The following CADPS2 variants were observed in gnomAD, a reference collection of about 807,000 sequenced individuals.
The protein encoded by CADPS2 is calcium-dependent secretion activator 2.
In CADPS2, 93 loss-of-function variants were observed where a neutral mutation model predicts 172.5. That is an observed-to-expected ratio of 0.54 (90% CI 0.46 to 0.64). CADPS2 has a LOEUF of 0.64. Among genes scored for constraint, CADPS2 ranks in the 30% least tolerant of loss-of-function variants. The pLI, the probability that CADPS2 is intolerant of heterozygous loss-of-function variation, is 0.00. For missense variants in CADPS2, 1,420 were observed against 1,565.9 expected (o/e 0.91, Z 1.57); for synonymous variants, 546 against 555.2 (o/e 0.98, Z 0.23).
intron 28 of CADPS2, among the ~76,000 whole-genome samples, chr7:122,341,222 C>A (rs2036737667): frequency 6.6e-6 from 1 of 152,188 alleles, no homozygotes; most frequent in African/African-American, 2.4e-5. Flanking sequence ...GATAGATTTT[C>A]TTTTCTATTA....
At chr7:122,321,620 C>CTGGGA (rs2032543038) in intron 29 of CADPS2, among the ~76,000 whole-genome samples, 1 of 152,186 alleles carries the variant, frequency 6.6e-6, no homozygotes, top group Admixed American at 6.5e-5. Context: ...TCCCGAGTAG[C>CTGGGA]TGGGATTACA....
intron 7 of CADPS2, among the ~76,000 whole-genome samples, chr7:122,570,583 T>C (rs36057959): frequency 0.13 from 18,940 of 144,208 alleles, 1,505 homozygotes; most frequent in African/African-American, 0.24. Context: ...CACATGCACA[T>C]GTATGTTTAT....
At chr7:122,816,469 G>C (rs563809734) in intron 1 of CADPS2, among the ~76,000 whole-genome samples, 1 of 152,238 alleles carries the variant, frequency 6.6e-6, no homozygotes, top group African/African-American at 2.4e-5. Flanking sequence ...CCATATCTTG[G>C]CTATTGTGAA....
chr7:122,748,155 G>T (rs1466458214), intron 1 of CADPS2, among the ~76,000 whole-genome samples: 4 of 152,128 alleles, frequency 2.6e-5, no homozygotes, highest in Non-Finnish European at 4.4e-5. Flanking sequence ...TAACCATTGA[G>T]CAAAGACTCC....
At chr7:122,346,792 A>C (rs1048663182) in intron 27 of CADPS2, among the ~76,000 whole-genome samples, 3 of 152,182 alleles carry the variant, frequency 2.0e-5, no homozygotes, top group Middle Eastern at 3.2e-3. Flanking sequence ...AGATGCCTGC[A>C]TGGCTGTTAA....
At chr7:122,717,349 C>A (rs990792199) in intron 2 of CADPS2, among the ~76,000 whole-genome samples, 1 of 152,044 alleles carries the variant, frequency 6.6e-6, no homozygotes. Context: ...GGTAAAAACA[C>A]ATAAAAACCA....
intron 6 of CADPS2, among the ~76,000 whole-genome samples, chr7:122,604,041 G>C: frequency 6.6e-6 from 1 of 152,238 alleles, no homozygotes; most frequent in South Asian, 2.1e-4. Flanking sequence ...AAATAATCAT[G>C]TTGGATACCT....
At chr7:122,397,315 T>C (rs2045281386) in intron 20 of CADPS2, among the ~76,000 whole-genome samples, 1 of 152,180 alleles carries the variant, frequency 6.6e-6, no homozygotes, top group African/African-American at 2.4e-5. Flanking sequence ...AGTTATTTTT[T>C]ATTTGAAAAA....
At chr7:122,559,935 G>A (rs1449028025) in intron 7 of CADPS2, among the ~76,000 whole-genome samples, 1 of 151,984 alleles carries the variant, frequency 6.6e-6, no homozygotes, top group African/African-American at 2.4e-5. Flanking sequence ...CCAAATTTAA[G>A]GGGGAGAGTT....
At chr7:122,440,939 T>TA (rs1221648644) in intron 16 of CADPS2, among the ~76,000 whole-genome samples, 1 of 152,172 alleles carries the variant, frequency 6.6e-6, no homozygotes, top group African/African-American at 2.4e-5. Context: ...ATATTTTCCT[T>TA]AAAAAATGAT....
chr7:122,734,765 T>C (rs900624027), intron 2 of CADPS2, among the ~76,000 whole-genome samples: 3 of 152,076 alleles, frequency 2.0e-5, no homozygotes, highest in East Asian at 3.9e-4. Context: ...CAAGTGTGTA[T>C]TACCTGGAAA....
Position 122,621,727 on chromosome 7 carries a change from A to G in CADPS2, c.868-10T>C. On this transcript the variant is annotated splice_polypyrimidine_tract_variant and intron_variant, in intron 4 of 29. Transcript: ENST00000449022. ...TGGGGAATTTTCTTTCCTTGAAAAT[A>G]ATTTTTAAAATAATAGTGTTACATA... 1 of 1,455,394 alleles carries G rather than the reference A, an allele frequency of 6.9e-7. No homozygotes were observed. Among genetic ancestry groups the G allele is most frequent in the South Asian group, 1.2e-5 (1 of 81,974 alleles). The allele number at this position is 1,455,394 out of a possible 1,614,324, so 90.2% of individuals were successfully genotyped here.
intron 2 of CADPS2, among the ~76,000 whole-genome samples, chr7:122,678,709 T>C (rs897191806): frequency 6.6e-6 from 1 of 152,146 alleles, no homozygotes; most frequent in African/African-American, 2.4e-5. Context: ...AGGTTCTACA[T>C]AGTGATGTTA....
At chr7:122,605,423 T>C (rs1019153014) in intron 6 of CADPS2, among the ~76,000 whole-genome samples, 2 of 152,314 alleles carry the variant, frequency 1.3e-5, no homozygotes, top group East Asian at 3.9e-4. Context: ...AGTCCATCAT[T>C]GACTGAAACA....
intron 6 of CADPS2, among the ~76,000 whole-genome samples, chr7:122,598,011 A>C (rs148510070): frequency 6.6e-6 from 1 of 152,222 alleles, no homozygotes; most frequent in Non-Finnish European, 1.5e-5. Flanking sequence ...TATGTTTACA[A>C]AACAGATGAC....
At chr7:122,375,952 A>G (rs2151312065) in intron 25 of CADPS2, among the ~76,000 whole-genome samples, 1 of 152,266 alleles carries the variant, frequency 6.6e-6, no homozygotes, top group Non-Finnish European at 1.5e-5. Context: ...TCTAATGAAC[A>G]TGTATAAATG....
chr7:122,522,084 C>CT (rs901368132), intron 8 of CADPS2, among the ~76,000 whole-genome samples: 2 of 151,974 alleles, frequency 1.3e-5, no homozygotes, highest in South Asian at 4.2e-4. Context: ...GCTGATCATT[C>CT]TTTTTTTTCT....
chr7:122,861,620 G>C (rs556680845), intron 1 of CADPS2, among the ~76,000 whole-genome samples: 1 of 152,074 alleles, frequency 6.6e-6, no homozygotes, highest in African/African-American at 2.4e-5. Context: ...GTCTATTTTT[G>C]CCATAGTCAA....
intron 2 of CADPS2, chr7:122,702,026 C>A (rs201540773): frequency 1.2e-6 from 2 of 1,613,648 alleles, no homozygotes; most frequent in Non-Finnish European, 1.7e-6. Flanking sequence ...TTTGAGAACT[C>A]GCAGTTGAAG....
Sources: gnomAD v4.1 joint callset for allele counts (sites outside exome capture counted in the v4.1 genomes callset) on GRCh38, gnomAD v4.1.1 for gene constraint, MANE v1.5 for transcripts, NCBI Gene and HGNC (gene_info 2026-07-23, HGNC 2026-07-21) for gene names.